ITGA4: variants seen among roughly 807,000 people sequenced by gnomAD.
The protein encoded by ITGA4 is integrin alpha-4.
A neutral mutation model predicts 133.6 loss-of-function variants in ITGA4; 63 were observed. The ratio of observed to expected loss-of-function variants is 0.47; its 90% confidence interval spans 0.38 to 0.58. ITGA4 has a LOEUF of 0.58. Among genes scored for constraint, ITGA4 ranks in the 20% least tolerant of loss-of-function variants. The pLI is 0.00. For synonymous variants in ITGA4, 483 were observed against 438.0 expected (o/e 1.10, Z -1.28); for missense variants, 1,076 against 1,252.7 (o/e 0.86, Z 2.13).
At position 181,537,378 on chromosome 2, in the gene ITGA4, A is replaced by G. The variant is rs201548342; in HGVS notation, c.*1851A>G. ...AGATACAAGGGGAACACAATTACATATTGGGCTAGATTTTGCCCAGTTCAA... is the reference window on the plus strand; with the variant it reads ...AGATACAAGGGGAACACAATTACATGTTGGGCTAGATTTTGCCCAGTTCAA... On this transcript the variant is annotated 3_prime_UTR_variant, in exon 28 of 28. Transcript: ENST00000397033. 3 of 453,856 alleles carry G rather than the reference A, an allele frequency of 6.6e-6. No homozygotes were observed. The highest frequency in any genetic ancestry group is 2.4e-5 in the Admixed American group (1 of 42,542). 28.1% of individuals were successfully genotyped at this position (453,856 alleles called of 1,614,324 possible).
At chr2:181,459,087 C>CTA (rs1013218768) in intron 2 of ITGA4, 7 of 152,288 alleles carry the variant, frequency 4.6e-5, no homozygotes, top group East Asian at 1.9e-4. Context: ...AGTGTTACTG[C>CTA]TATATATATT....
At chr2:181,525,656 C>A (rs1214298648) in intron 21 of ITGA4, among the ~76,000 whole-genome samples, 1 of 152,196 alleles carries the variant, frequency 6.6e-6, no homozygotes, top group East Asian at 1.9e-4. Flanking sequence ...GTGTGAAGTT[C>A]AGAGAAGTGT....
In ITGA4 at chr2:181,535,479, C is replaced by CA; in HGVS notation, c.3052dup (p.Arg1018LysfsTer11). On this transcript the variant is annotated frameshift_variant, in exon 28 of 28. Transcript: ENST00000397033. LOFTEE classifies it high-confidence loss of function. ...ACAAATCTATCCTACAAGAAGAAAA[C>CA]AGAAGAGACAGTTGGAGTTATATCA... is the stretch of plus-strand genomic sequence containing the variant. The CA allele has an allele frequency of 6.2e-7, 1 of 1,609,298 alleles. No individual in the cohort carries two copies. The highest frequency in any genetic ancestry group is 8.5e-7 in the Non-Finnish European group (1 of 1,177,536).
In ITGA4 at chr2:181,466,590, A is replaced by G. The variant is rs142501258; in HGVS notation, c.319+8273A>G. Among the ~76,000 whole-genome samples, 638 of 152,256 alleles carry G rather than the reference A, an allele frequency of 4.2e-3. 6 individuals carry two copies. The highest frequency in any genetic ancestry group is 0.028 in the East Asian group (146 of 5,184). Reference sequence around the variant, plus strand: ...AAAACCCAAGGATATTTTACTTTCCATCACCCAAAATTATTTTTATTGTAG... The same window carrying G: ...AAAACCCAAGGATATTTTACTTTCCGTCACCCAAAATTATTTTTATTGTAG... On this transcript the variant is annotated intron_variant, in intron 2 of 27. Transcript: ENST00000397033.
chr2:181,494,166 A>G (rs1004803232), intron 11 of ITGA4, among the ~76,000 whole-genome samples: 1 of 152,260 alleles, frequency 6.6e-6, no homozygotes, highest in Admixed American at 6.5e-5. Flanking sequence ...TAGAAAGTAC[A>G]TATCTGGCTA....
chr2:181,523,349 T>C lies in ITGA4; in HGVS notation c.2074-88T>C, dbSNP rs1686761165. 1 of 748,432 alleles carries C rather than the reference T, an allele frequency of 1.3e-6. No individual in the cohort carries two copies. The highest frequency in any genetic ancestry group is 1.8e-5 in the African/African-American group (1 of 56,814). The allele number at this position is 748,432 out of a possible 1,614,324, so 46.4% of individuals were successfully genotyped here. On this transcript the variant is annotated intron_variant, in intron 18 of 27. Transcript: ENST00000397033. The surrounding 1 kb of genome is among the most constrained non-coding windows in gnomAD (Gnocchi z 4.2). Reference sequence around the variant, plus strand: ...AGAAAAGCAAATACTTCTGGGATGATATTCTTTTCAATAACCATCCTTAAA... The same window carrying C: ...AGAAAAGCAAATACTTCTGGGATGACATTCTTTTCAATAACCATCCTTAAA...
At chr2:181,466,910 G>T (rs933648493) in intron 2 of ITGA4, among the ~76,000 whole-genome samples, 1 of 152,044 alleles carries the variant, frequency 6.6e-6, no homozygotes, top group African/African-American at 2.4e-5. Flanking sequence ...CACCTACTAG[G>T]TGCCAGGCAT....
rs1686142879 is a variant in ITGA4 at position 181,495,676 on chromosome 2, G to C, written c.1386-107G>C. 3.2e-6 allele frequency: 3 copies of C among 941,582 alleles called. No individual in the cohort carries two copies. In the South Asian group the frequency reaches 4.8e-5, roughly 15 times the overall value. 58.3% of individuals were successfully genotyped at this position (941,582 alleles called of 1,614,324 possible). A position where few individuals can be genotyped will look rare whatever the true frequency, so the allele number is the denominator to read the frequency against. ...TAATTAGTATGTACACACATAATAA[G>C]ACTCATGAAATTACTTGGTGAATGT... On this transcript the variant is annotated intron_variant, in intron 13 of 27. Coordinates refer to ENST00000397033, the MANE Select transcript of ITGA4 (RefSeq NM_000885.6). The surrounding 1 kb of genome is among the most constrained non-coding windows in gnomAD (Gnocchi z 4.3).
intron 27 of ITGA4, 76 bp from the exon 28 acceptor site, chr2:181,535,356 A>T (rs1313172523): frequency 1.5e-5 from 17 of 1,122,972 alleles, no homozygotes; most frequent in Non-Finnish European, 1.8e-5. Flanking sequence ...TTAACTGCTT[A>T]GATATTAGAA....
Sources: allele counts gnomAD v4.1 joint callset (sites outside exome capture counted in the v4.1 genomes callset), GRCh38; gene constraint gnomAD v4.1.1; non-coding constraint Gnocchi (gnomAD v3.1); transcripts MANE v1.5; gene names NCBI Gene and HGNC (gene_info 2026-07-23, HGNC 2026-07-21).